Variants in KCNC2 observed in about 807,000 individuals in gnomAD.
KCNC2 encodes the protein voltage-gated potassium channel KCNC2.
A neutral mutation model predicts 44.5 loss-of-function variants in KCNC2; 21 were observed. That is an observed-to-expected ratio of 0.47 (90% CI 0.33 to 0.68). The LOEUF (loss-of-function observed/expected upper bound fraction) is 0.68. Among genes scored for constraint, KCNC2 ranks in the 30% least tolerant of loss-of-function variants. The probability of loss-of-function intolerance (pLI) is 0.01; values close to 1 mark genes in which losing one functional copy is unlikely to be tolerated. For missense variants in KCNC2, 589 were observed against 826.2 expected (o/e 0.71, Z 3.52); for synonymous variants, 391 against 339.1 (o/e 1.15, Z -1.68).
chr12:75,149,340 G>A (rs558589883), intron 2 of KCNC2, among the ~76,000 whole-genome samples: 43 of 151,694 alleles, frequency 2.8e-4, no homozygotes, highest in Non-Finnish European at 5.8e-4. Flanking sequence ...CATGAATCAA[G>A]ACTGCATATT....
At chr12:75,131,464 C>T (rs1223109085) in intron 2 of KCNC2, among the ~76,000 whole-genome samples, 1 of 152,010 alleles carries the variant, frequency 6.6e-6, no homozygotes, top group East Asian at 1.9e-4. Flanking sequence ...TGTTATGTTA[C>T]ATGTCAAAAG....
intron 2 of KCNC2, among the ~76,000 whole-genome samples, chr12:75,171,638 G>A (rs1891825819): frequency 6.6e-6 from 1 of 151,772 alleles, no homozygotes; most frequent in South Asian, 2.1e-4. Flanking sequence ...GGGGAGGGAG[G>A]AATGAAGAAA....
intron 2 of KCNC2, among the ~76,000 whole-genome samples, chr12:75,065,606 A>G (rs988547633): frequency 1.3e-5 from 2 of 152,046 alleles, no homozygotes; most frequent in Non-Finnish European, 2.9e-5. Flanking sequence ...TTGTGTTACA[A>G]TTGCCTACAG....
chr12:75,206,560 G>C (rs2031702662), intron 2 of KCNC2, among the ~76,000 whole-genome samples: 1 of 152,154 alleles, frequency 6.6e-6, no homozygotes, highest in African/African-American at 2.4e-5. Context: ...AGAGAACTAG[G>C]ATCACCAAAG....
chr12:75,169,520 C>T (rs1266646595), intron 2 of KCNC2, among the ~76,000 whole-genome samples: 2 of 151,386 alleles, frequency 1.3e-5, no homozygotes, highest in East Asian at 1.9e-4. Flanking sequence ...CTATGTCCCT[C>T]GGGAAAATTC....
At chr12:75,096,909 T>G (rs1885975830) in intron 2 of KCNC2, among the ~76,000 whole-genome samples, 1 of 152,038 alleles carries the variant, frequency 6.6e-6, no homozygotes. Flanking sequence ...GAAACACAAT[T>G]TTTAAAAAGG....
intron 2 of KCNC2, among the ~76,000 whole-genome samples, chr12:75,192,481 A>G (rs2030379177): frequency 6.6e-6 from 1 of 152,214 alleles, no homozygotes; most frequent in South Asian, 2.1e-4. Context: ...GACATTTGTT[A>G]AGCCATCAAA....
intron 2 of KCNC2, among the ~76,000 whole-genome samples, chr12:75,187,053 TA>T (rs1893002376): frequency 6.6e-6 from 1 of 152,212 alleles, no homozygotes; most frequent in South Asian, 2.1e-4. Flanking sequence ...TTCCTTTTTT[TA>T]AAAAAGATGC....
At chr12:75,163,449 T>C (rs1451241968) in intron 2 of KCNC2, among the ~76,000 whole-genome samples, 2 of 151,760 alleles carry the variant, frequency 1.3e-5, no homozygotes, top group Non-Finnish European at 2.9e-5. Context: ...ACTCTTTTCA[T>C]TTGGAACAAA....
intron 2 of KCNC2, among the ~76,000 whole-genome samples, chr12:75,200,051 G>A (rs150939049): frequency 2.0e-5 from 3 of 151,786 alleles, no homozygotes; most frequent in East Asian, 3.9e-4. Context: ...GACTGCAACT[G>A]GAAGGGAATC....
chr12:75,052,724 C>A (rs1246503681), intron 2 of KCNC2, among the ~76,000 whole-genome samples: 1 of 152,096 alleles, frequency 6.6e-6, no homozygotes, highest in Non-Finnish European at 1.5e-5. Context: ...GAAACCACCT[C>A]CCTTTTTACC....
intron 2 of KCNC2, among the ~76,000 whole-genome samples, chr12:75,099,816 A>G (rs1396306635): frequency 6.6e-6 from 1 of 152,188 alleles, no homozygotes; most frequent in Non-Finnish European, 1.5e-5. Flanking sequence ...AGTGAACCAA[A>G]TAACTGTGAG....
chr12:75,159,979 A>C (rs2137518338), intron 2 of KCNC2, among the ~76,000 whole-genome samples: 1 of 151,980 alleles, frequency 6.6e-6, no homozygotes, highest in South Asian at 2.1e-4. Context: ...GTGCTAACTG[A>C]AAAATATATA....
At chr12:75,145,954 ATTT>A (rs10715917) in intron 2 of KCNC2, among the ~76,000 whole-genome samples, 6 of 135,954 alleles carry the variant, frequency 4.4e-5, no homozygotes, top group African/African-American at 1.4e-4. Flanking sequence ...AGTCTTACCA[ATTT>A]TTTTTTTTTT....
At chr12:75,166,759 AC>A (rs981864073) in intron 2 of KCNC2, among the ~76,000 whole-genome samples, 8 of 151,196 alleles carry the variant, frequency 5.3e-5, no homozygotes, top group Admixed American at 4.6e-4. Flanking sequence ...ATACCTTGCA[AC>A]AAATGAAAAC....
intron 2 of KCNC2, among the ~76,000 whole-genome samples, chr12:75,074,424 G>T (rs1204804589): frequency 6.6e-6 from 1 of 151,972 alleles, no homozygotes; most frequent in African/African-American, 2.4e-5. Context: ...TCATTCTGAT[G>T]TCCAAAACTG....
chr12:75,130,095 T>C (rs1337626309), intron 2 of KCNC2, among the ~76,000 whole-genome samples: 4 of 152,180 alleles, frequency 2.6e-5, no homozygotes, highest in African/African-American at 9.7e-5. Context: ...TCTAAGGTGA[T>C]ATTCCAAAAC....
Position 75,094,534 on chromosome 12 carries a change from ATT to A in KCNC2, c.688-43219_688-43218del, listed in dbSNP as rs1405704864. On this transcript the variant is annotated intron_variant, in intron 2 of 4. Coordinates refer to ENST00000549446, the MANE Select transcript of KCNC2 (RefSeq NM_139137.4). The stretch of plus-strand genomic sequence containing the variant: ...TTCTCCTCCACTCCATCAAATTTAT[ATT>A]CAGTAATATTTTGCATTTTCCTTTA... 7.2e-5 allele frequency among the ~76,000 whole-genome samples: 11 copies of A among 151,866 alleles called. No individual in the cohort carries two copies. The East Asian group carries it at 2.1e-3, about 29-fold the overall frequency.
intron 2 of KCNC2, among the ~76,000 whole-genome samples, chr12:75,082,151 AAGTGCT>A (rs66697444): frequency 0.89 from 134,876 of 151,260 alleles, 60,187 homozygotes; most frequent in Admixed American, 0.92. Context: ...CAACTTTTAG[AAGTGCT>A]AGTGCTATAG....
Sources: gnomAD v4.1 joint callset for allele counts (sites outside exome capture counted in the v4.1 genomes callset) on GRCh38, gnomAD v4.1.1 for gene constraint, MANE v1.5 for transcripts, NCBI Gene and HGNC (gene_info 2026-07-23, HGNC 2026-07-21) for gene names.